The following EGFLAM variants were observed in gnomAD, a reference collection of about 807,000 sequenced individuals.
The protein encoded by EGFLAM is pikachurin.
Under a neutral mutation model 113.1 loss-of-function variants are expected in EGFLAM, and 79 were observed. The observed-to-expected ratio is 0.70, with a 90% CI of 0.58 to 0.84. EGFLAM has a LOEUF of 0.84. Among genes scored for constraint, EGFLAM ranks in the 40% least tolerant of loss-of-function variants. EGFLAM has a pLI of 0.00. For synonymous variants in EGFLAM, 504 were observed against 487.6 expected, an observed-to-expected ratio of 1.03 and a Z score of -0.44; for missense variants, 1,265 against 1,291.6, an observed-to-expected ratio of 0.98 and a Z score of 0.32.
At chr5:38,406,021 C>T (rs1741272155) in intron 6 of EGFLAM, 105 bp from the exon 7 acceptor site, 2 of 865,254 alleles carry the variant, frequency 2.3e-6, no homozygotes. Flanking sequence ...GTTTCCAATA[C>T]ACTGCGTTCC....
intron 1 of EGFLAM, among the ~76,000 whole-genome samples, chr5:38,302,696 G>T (rs1240651702): frequency 1.5e-5 from 2 of 134,318 alleles, no homozygotes; most frequent in South Asian, 2.4e-4. Flanking sequence ...TTATTTATAA[G>T]TTGTCTGAGA....
intron 1 of EGFLAM, among the ~76,000 whole-genome samples, chr5:38,299,698 A>T (rs1758528453): frequency 2.0e-5 from 3 of 152,038 alleles, no homozygotes; most frequent in Admixed American, 6.6e-5. Context: ...TTCATGCAAG[A>T]TCTGGTTGCT....
chr5:38,404,132 C>A (rs1741203411), intron 6 of EGFLAM, among the ~76,000 whole-genome samples: 1 of 152,162 alleles, frequency 6.6e-6, no homozygotes, highest in African/African-American at 2.4e-5. Context: ...TGGTCAACAG[C>A]ACGCCCCCTG....
At chr5:38,272,662 A>T (rs1757792043) in intron 1 of EGFLAM, among the ~76,000 whole-genome samples, 2 of 152,198 alleles carry the variant, frequency 1.3e-5, no homozygotes, top group African/African-American at 2.4e-5. Flanking sequence ...TTTAAGAACC[A>T]ACATGCCTGA....
At chr5:38,343,585 G>C (rs1739400461) in intron 3 of EGFLAM, among the ~76,000 whole-genome samples, 1 of 152,144 alleles carries the variant, frequency 6.6e-6, no homozygotes, top group South Asian at 2.1e-4. Context: ...TGCTGCCCCT[G>C]TAACAAAACT....
Position 38,352,048 on chromosome 5 carries a change from A to T in EGFLAM, c.410-148A>T, listed in dbSNP as rs1287094490. 3 of 1,064,666 alleles carry T rather than the reference A, an allele frequency of 2.8e-6. No individual in the cohort carries two copies. The African/African-American group carries it at 4.8e-5, about 17-fold the overall frequency. The allele number at this position is 1,064,666 out of a possible 1,614,324, so 66.0% of individuals were successfully genotyped here. A position where few individuals can be genotyped will look rare whatever the true frequency, so the allele number is the denominator to read the frequency against. On this transcript the variant is annotated intron_variant, in intron 4 of 21. Transcript: ENST00000322350. ...TTTGGGTTTTGAGGCTGTTCTGAAC[A>T]GAGATATTTTGGGTATAGGAAGCAC...
chr5:38,427,589 A>G (rs1019002620), intron 14 of EGFLAM, among the ~76,000 whole-genome samples: 3 of 152,226 alleles, frequency 2.0e-5, no homozygotes, highest in Non-Finnish European at 4.4e-5. Context: ...AACTTGATGA[A>G]CTGTAACTAG....
At chr5:38,320,464 A>T (rs1158831344) in intron 1 of EGFLAM, among the ~76,000 whole-genome samples, 1 of 152,116 alleles carries the variant, frequency 6.6e-6, no homozygotes, top group African/African-American at 2.4e-5. Flanking sequence ...TCTACACCAT[A>T]ATCTTGTTCA....
chr5:38,347,667 G>A (rs566857182), intron 3 of EGFLAM, among the ~76,000 whole-genome samples: 11 of 152,292 alleles, frequency 7.2e-5, no homozygotes, highest in Admixed American at 7.2e-4. Flanking sequence ...TCTTAAGTAT[G>A]ACTGGAATGT....
intron 6 of EGFLAM, among the ~76,000 whole-genome samples, chr5:38,395,557 A>G (rs1740938490): frequency 6.6e-6 from 1 of 152,132 alleles, no homozygotes; most frequent in African/African-American, 2.4e-5. Flanking sequence ...GGTTTGAACA[A>G]CTTGCCCATC....
chr5:38,403,861 A>G (rs1277053321), intron 6 of EGFLAM: 3 of 1,613,984 alleles, frequency 1.9e-6, no homozygotes, highest in Non-Finnish European at 1.7e-6. Context: ...GATACGCTGC[A>G]TGCAGGTGGC....
intron 12 of EGFLAM, among the ~76,000 whole-genome samples, chr5:38,422,748 A>T (rs1741874883): frequency 6.6e-6 from 1 of 152,226 alleles, no homozygotes; most frequent in African/African-American, 2.4e-5. Flanking sequence ...AGGTGACAAC[A>T]GCTGTGAGGT....
At chr5:38,311,926 A>G (rs1379705299) in intron 1 of EGFLAM, among the ~76,000 whole-genome samples, 1 of 152,134 alleles carries the variant, frequency 6.6e-6, no homozygotes, top group African/African-American at 2.4e-5. Flanking sequence ...GGACTTATAT[A>G]TATATTGTTT....
At chr5:38,361,315 G>A (rs142242244) in intron 5 of EGFLAM, among the ~76,000 whole-genome samples, 1 of 152,114 alleles carries the variant, frequency 6.6e-6, no homozygotes, top group Non-Finnish European at 1.5e-5. Context: ...TCCCAGATTA[G>A]GTTAGCTATA....
intron 9 of EGFLAM, among the ~76,000 whole-genome samples, chr5:38,408,330 G>A (rs1010130780): frequency 7.9e-5 from 12 of 152,126 alleles, no homozygotes; most frequent in African/African-American, 2.2e-4. Flanking sequence ...TTTTCTTTAC[G>A]CAAGCCTTGC....
intron 6 of EGFLAM, among the ~76,000 whole-genome samples, chr5:38,377,676 C>A (rs1211929598): frequency 6.6e-6 from 1 of 151,856 alleles, no homozygotes; most frequent in African/African-American, 2.4e-5. Flanking sequence ...GGTTCGCAGG[C>A]AAAAGTGAAC....
In EGFLAM at chr5:38,418,006, G is replaced by A. The variant is rs1741706722; in HGVS notation, c.1495-60G>A. ...ACCATGTCCCTCATAAAAATCTGGT[G>A]TGTTTTGGCTTTTGATTTTGTTTAG... On this transcript the variant is annotated intron_variant, in intron 11 of 21. Coordinates refer to ENST00000322350, the MANE Select transcript of EGFLAM (RefSeq NM_152403.4). 2.6e-6 allele frequency: 4 copies of A among 1,509,506 alleles called. No individual in the cohort carries two copies. In the Admixed American group the frequency reaches 7.8e-5, roughly 30 times the overall value. 93.5% of individuals were successfully genotyped at this position (1,509,506 alleles called of 1,614,324 possible). A position where few individuals can be genotyped will look rare whatever the true frequency, so the allele number is the denominator to read the frequency against.
chr5:38,343,445 A>G (rs2561123), intron 3 of EGFLAM, among the ~76,000 whole-genome samples: 70,286 of 150,128 alleles, frequency 0.47, 18,450 homozygotes, highest in Admixed American at 0.58. Flanking sequence ...TGGACTAGCA[A>G]TGGTTCTCAA....
Position 38,431,232 on chromosome 5 carries a change from G to A in EGFLAM, c.2110G>A (p.Ala704Thr), listed in dbSNP as rs1394105908. The A allele has an allele frequency of 6.2e-7, 1 of 1,614,172 alleles. No homozygotes were observed. Among genetic ancestry groups the A allele is most frequent in the Non-Finnish European group, 8.5e-7 (1 of 1,180,024 alleles). The change falls in exon 15 of 22, where the codon GCA becomes ACA. Residue 704 changes from alanine (A) to threonine (T), a missense_variant. By Grantham distance (58) the Ala-to-Thr change is moderately conservative. Coordinates refer to ENST00000322350, the MANE Select transcript of EGFLAM (RefSeq NM_152403.4). ...NWHELRVSRTAKNGILQVDKQ... is the reference protein window; with the variant it reads ...NWHELRVSRTTKNGILQVDKQ... ...GCACGAGCTTCGTGTATCTCGCACA[G>A]CAAAGAATGGAATCTTACAGGTGGA...
Sources: allele counts gnomAD v4.1 joint callset (sites outside exome capture counted in the v4.1 genomes callset), GRCh38; gene constraint gnomAD v4.1.1; transcripts MANE v1.5; gene names NCBI Gene and HGNC (gene_info 2026-07-23, HGNC 2026-07-21).